GNA15: variants seen among roughly 807,000 people sequenced by gnomAD.
GNA15 encodes the protein G protein subunit alpha 15.
In GNA15, 23 loss-of-function variants were observed where a neutral mutation model predicts 40.1. The ratio of observed to expected loss-of-function variants is 0.57; its 90% CI spans 0.41 to 0.81. GNA15 has a LOEUF of 0.81. GNA15 is among the 40% of genes least tolerant of loss of function. The pLI is 0.00. For synonymous variants in GNA15, 226 were observed against 210.4 expected, an observed-to-expected ratio of 1.07 and a Z score of -0.64; for missense variants, 522 against 515.8, an observed-to-expected ratio of 1.01 and a Z score of -0.12.
intron 2 of GNA15, chr19:3,149,077 G>A: frequency 2.6e-6 from 1 of 377,506 alleles, no homozygotes; most frequent in Non-Finnish European, 5.0e-6. Flanking sequence ...ATGCCCACAT[G>A]CACACACCCA....
Position 3,151,543 on chromosome 19 carries a change from C to T in GNA15, c.486-164C>T, listed in dbSNP as rs1425414607. On this transcript the variant is annotated intron_variant, in intron 3 of 6. Coordinates refer to ENST00000262958, the MANE Select transcript of GNA15 (RefSeq NM_002068.4). This position sits in a 1 kb window ranked among gnomAD's most constrained non-coding sequence, Gnocchi z 5.0. ...CTGCTTTTCCTTGGGGCTCCATTGC[C>T]TCAGGTGGGGGACGCTCCTGGGCCA... is the stretch of plus-strand genomic sequence containing the variant. 3.3e-5 allele frequency among the ~76,000 whole-genome samples: 5 copies of T among 152,108 alleles called. No individual in the cohort carries two copies. Among genetic ancestry groups the T allele is most frequent in the South Asian group, 2.1e-4 (1 of 4,832 alleles).
chr19:3,148,468 G>A, intron 1 of GNA15, 123 bp from the exon 2 acceptor site: 1 of 907,682 alleles, frequency 1.1e-6, no homozygotes. Flanking sequence ...GTGAGGTCCC[G>A]GCTGCACCGG....
intron 2 of GNA15, chr19:3,148,996 C>T (rs1333876068): frequency 1.8e-6 from 1 of 560,554 alleles, no homozygotes; most frequent in Non-Finnish European, 3.2e-6. Context: ...AATGCACACA[C>T]GCACATGTAT....
chr19:3,149,127 G>A (rs776123387), intron 2 of GNA15: 9 of 250,196 alleles, frequency 3.6e-5, no homozygotes, highest in Non-Finnish European at 7.1e-5. Flanking sequence ...GCACACGTGT[G>A]CACACACACA....
In GNA15 at chr19:3,162,308, C is replaced by T. The variant is rs1227815279; in HGVS notation, c.899-485C>T. ...TACAAAAATTACCTGGGCATGGTGG[C>T]AGGCGCCTGTAATCCCAGCTACTGC... On this transcript the variant is annotated intron_variant, in intron 6 of 6. Coordinates refer to ENST00000262958, the MANE Select transcript of GNA15 (RefSeq NM_002068.4). Among the ~76,000 whole-genome samples, 5 of 151,790 alleles carry T rather than the reference C, an allele frequency of 3.3e-5. 1 individual carries two copies. Among genetic ancestry groups the T allele is most frequent in the Non-Finnish European group, 7.4e-5 (5 of 68,000 alleles).
Position 3,136,209 on chromosome 19 carries a change from C to T in GNA15, c.-242C>T, listed in dbSNP as rs763071716. 91 of 465,318 alleles carry T rather than the reference C, an allele frequency of 2.0e-4. No homozygotes were observed. Among genetic ancestry groups the T allele is most frequent in the Non-Finnish European group, 3.1e-4 (80 of 259,272 alleles). 28.8% of individuals were successfully genotyped at this position (465,318 alleles called of 1,614,324 possible). ...GAGGTGGGCGGGGAGCCCTGGCCTC[C>T]CCACCTCCTCCCGTCCCCACCCTGT... On this transcript the variant is annotated 5_prime_UTR_variant, in exon 1 of 7. Coordinates refer to ENST00000262958, the MANE Select transcript of GNA15 (RefSeq NM_002068.4). The surrounding 1 kb of genome is among the most constrained non-coding windows in gnomAD (Gnocchi z 4.9).
In GNA15 at chr19:3,136,513, C is replaced by T. The variant is rs371766518; in HGVS notation, c.63C>T (p.Ala21=). ...PWCLTEDEKA[A]ARVDQEINRI... ...GCCTGACGGAGGATGAGAAGGCCGC[C>T]GCCCGGGTGGACCAGGAGATCAACA... The change falls in exon 1 of 7, where the codon GCC becomes GCT. Residue 21 remains alanine (A), a synonymous_variant. Transcript: ENST00000262958. This position sits in a 1 kb window ranked among gnomAD's most constrained non-coding sequence, Gnocchi z 4.9. The T allele has an allele frequency of 1.5e-5, 24 of 1,563,950 alleles. No individual in the cohort carries two copies. The highest frequency in any genetic ancestry group is 3.8e-5 in the Admixed American group (2 of 52,650).
chr19:3,148,701 A>G lies in GNA15; in HGVS notation c.256A>G (p.Ile86Val), dbSNP rs1408195475. 1.9e-6 allele frequency: 3 copies of G among 1,601,968 alleles called. No individual in the cohort carries two copies. Among genetic ancestry groups the G allele is most frequent in the African/African-American group, 1.3e-5 (1 of 74,700 alleles). ...KGFRPLVYQN[I>V]FVSMRAMIEA... The stretch of plus-strand genomic sequence containing the variant: ...CTTCCGGCCCCTGGTCTACCAGAAC[A>G]TCTTCGTGTCCATGCGGGCCATGAT... The change falls in exon 2 of 7, where the codon ATC (isoleucine) becomes GTC (valine). Residue 86 changes from isoleucine to valine, a missense_variant. Coordinates refer to ENST00000262958, the MANE Select transcript of GNA15 (RefSeq NM_002068.4).
At chr19:3,145,360 T>TATATATATATATATATATATATATATATA (rs1555705683) in intron 1 of GNA15, among the ~76,000 whole-genome samples, 7 of 21,550 alleles carry the variant, frequency 3.2e-4, no homozygotes, top group South Asian at 1.1e-3. Flanking sequence ...TATATATATA[T>TATATATATATATATATATATATATATATA]TTTTTTTTTT....
intron 6 of GNA15, among the ~76,000 whole-genome samples, chr19:3,160,526 A>G (rs1034339342): frequency 7.9e-5 from 12 of 152,132 alleles, no homozygotes; most frequent in African/African-American, 2.9e-4. Context: ...CACTCATATC[A>G]GCCCGGATTC....
At chr19:3,144,109 G>T (rs535096691) in intron 1 of GNA15, among the ~76,000 whole-genome samples, 1 of 138,818 alleles carries the variant, frequency 7.2e-6, no homozygotes, top group Non-Finnish European at 1.5e-5. Flanking sequence ...GGGCGATAGA[G>T]CAAGAAAGAC....
At chr19:3,144,397 C>T (rs147745028) in intron 1 of GNA15, among the ~76,000 whole-genome samples, 83 of 152,326 alleles carry the variant, frequency 5.4e-4, no homozygotes, top group African/African-American at 1.8e-3. Context: ...AGTGAGTTGA[C>T]ATGTCCCCAT....
chr19:3,141,854 T>G (rs1914583422), intron 1 of GNA15: 1 of 152,366 alleles, frequency 6.6e-6, no homozygotes, highest in African/African-American at 2.4e-5. Context: ...TTCGCCTGCC[T>G]TGGGGGACAG....
chr19:3,139,773 C>T (rs11881083), intron 1 of GNA15, among the ~76,000 whole-genome samples: 42,298 of 151,234 alleles, frequency 0.28, 6,098 homozygotes, highest in Non-Finnish European at 0.32. Flanking sequence ...CGGTGGCTCA[C>T]GCCTGCAATC....
intron 1 of GNA15, among the ~76,000 whole-genome samples, chr19:3,147,385 T>C (rs1914750004): frequency 6.6e-6 from 1 of 151,510 alleles, no homozygotes; most frequent in Non-Finnish European, 1.5e-5. Context: ...AAACCACAGC[T>C]GTACTAAAAA....
intron 4 of GNA15, among the ~76,000 whole-genome samples, chr19:3,154,457 A>T: frequency 7.1e-6 from 1 of 140,344 alleles, no homozygotes; most frequent in South Asian, 2.5e-4. Context: ...AGATGGATGG[A>T]TGGGTAGCTG....
At chr19:3,146,118 C>T (rs143628549) in intron 1 of GNA15, among the ~76,000 whole-genome samples, 2,048 of 152,196 alleles carry the variant, frequency 0.013, 46 homozygotes, top group African/African-American at 0.047. Flanking sequence ...TTTTTGCTGC[C>T]GCTTGCTCGA....
chr19:3,136,309 G>T lies in GNA15; in HGVS notation c.-142G>T. ...CAGGCAAGGAAGTCTAGGTCCCTGG[G>T]GGGTGACCCCCAAGGAAAAGGCAGC... On this transcript the variant is annotated 5_prime_UTR_variant, in exon 1 of 7. Coordinates refer to ENST00000262958, the MANE Select transcript of GNA15 (RefSeq NM_002068.4). The surrounding 1 kb of genome is among the most constrained non-coding windows in gnomAD (Gnocchi z 4.9). 1.3e-6 allele frequency: 1 copy of T among 798,952 alleles called. No homozygotes were observed. The highest frequency in any genetic ancestry group is 1.9e-6 in the Non-Finnish European group (1 of 520,810). The allele number at this position is 798,952 out of a possible 1,614,324, so 49.5% of individuals were successfully genotyped here. A position where few individuals can be genotyped will look rare whatever the true frequency, so the allele number is the denominator to read the frequency against.
At chr19:3,157,435 C>T (rs763678392) in intron 5 of GNA15, among the ~76,000 whole-genome samples, 18 of 152,208 alleles carry the variant, frequency 1.2e-4, no homozygotes, top group African/African-American at 2.2e-4. Flanking sequence ...AACCCCAGCA[C>T]GCTGGGAGGC....
Sources: gnomAD v4.1 joint callset for allele counts (sites outside exome capture counted in the v4.1 genomes callset) on GRCh38, gnomAD v4.1.1 for gene constraint, Gnocchi (gnomAD v3.1) non-coding constraint, MANE v1.5 for transcripts, NCBI Gene and HGNC (gene_info 2026-07-23, HGNC 2026-07-21) for gene names.